The following SLAMF7 variants were observed in gnomAD, a reference collection of about 807,000 sequenced individuals.
SLAMF7 encodes SLAM family member 7.
Under a neutral mutation model 34.1 loss-of-function variants are expected in SLAMF7, and 26 were observed. The observed-to-expected ratio is 0.76, with a 90% CI of 0.56 to 1.06. The LOEUF (loss-of-function observed/expected upper bound fraction) is 1.06. Among genes scored for constraint, SLAMF7 ranks in the 50% least tolerant of loss-of-function variants. The pLI, the probability that SLAMF7 is intolerant of heterozygous loss-of-function variation, is 0.00. For synonymous variants in SLAMF7, 171 were observed against 156.4 expected (o/e 1.09, Z -0.70); for missense variants, 399 against 402.5 (o/e 0.99, Z 0.07).
chr1:160,739,398 A>G, intron 1 of SLAMF7, 42 bp downstream of exon 1: 1 of 1,560,162 alleles, frequency 6.4e-7, no homozygotes, highest in Non-Finnish European at 8.8e-7. Context: ...TGTCTACCCC[A>G]TCCTGAATAG....
rs1215998845 is a variant in SLAMF7 at position 160,750,779 on chromosome 1, G to T, written c.769+356G>T. The T allele has an allele frequency of 1.3e-5, 3 of 234,104 alleles. 1 individual carries two copies. Among genetic ancestry groups the T allele is most frequent in the Non-Finnish European group, 1.7e-5 (2 of 118,896 alleles). The allele number at this position is 234,104 out of a possible 1,614,324, so 14.5% of individuals were successfully genotyped here. On this transcript the variant is annotated intron_variant, in intron 4 of 6. Coordinates refer to ENST00000368043, the MANE Select transcript of SLAMF7 (RefSeq NM_021181.5). ...GGAGGTGATGGCCTCCAACTCTGAG[G>T]TCCCCACAGACCAGCATCCTCTAGT...
At position 160,746,051 on chromosome 1, in the gene SLAMF7, T is replaced by C. The variant is rs139690825; in HGVS notation, c.56-2143T>C. ...ATCAGTACTGGAGTAGAAGAAAAGA[T>C]TGTGTCTAAGAGAGCAGGCTGTGAA... On this transcript the variant is annotated intron_variant, in intron 1 of 6. Transcript: ENST00000368043. Among the ~76,000 whole-genome samples, 78 of 152,288 alleles carry C rather than the reference T, an allele frequency of 5.1e-4. No homozygotes were observed. In the East Asian group the frequency reaches 9.8e-3, roughly 19 times the overall value.
At position 160,750,423 on chromosome 1, in the gene SLAMF7, G is replaced by T; in HGVS notation, c.769G>T (p.Glu257Ter). The T allele has an allele frequency of 6.2e-7, 1 of 1,612,916 alleles. No homozygotes were observed. Among genetic ancestry groups the T allele is most frequent in the Non-Finnish European group, 8.5e-7 (1 of 1,179,516 alleles). Reference protein sequence around the residue: ...LWFLKRERQEEYIEEKKRVDI... With the variant: ...LWFLKRERQE ...GTTTCTGAAGAGAGAGAGACAAGAA[G>T]GTAGAGCGTGTACTATTTTTGTCCT... The change falls in exon 4 of 7, where the codon GAG becomes TAG. Residue 257 changes from glutamate to a stop codon, truncating the protein, a stop_gained and splice_region_variant. Coordinates refer to ENST00000368043, the MANE Select transcript of SLAMF7 (RefSeq NM_021181.5). LOFTEE classifies it high-confidence loss of function.
intron 2 of SLAMF7, among the ~76,000 whole-genome samples, chr1:160,749,017 A>G (rs887985173): frequency 1.3e-5 from 2 of 152,180 alleles, no homozygotes; most frequent in East Asian, 1.9e-4. Context: ...AGACCTTGGC[A>G]CTCATCCAGG....
chr1:160,750,623 T>G (rs1664493516), intron 4 of SLAMF7, 200 bp downstream of exon 4: 2 of 545,664 alleles, frequency 3.7e-6, no homozygotes, highest in African/African-American at 1.9e-5. Flanking sequence ...GTGCTGGAGG[T>G]CTTTCCCAAG....
rs765027302 is a variant in SLAMF7, at chr1:160,753,172, A to G, written c.1003A>G (p.Ile335Val). The G allele has an allele frequency of 3.7e-6, 6 of 1,612,478 alleles. No homozygotes were observed. The highest frequency in any genetic ancestry group is 1.7e-5 in the Admixed American group (1 of 60,010). ...AAGGCTATTTGCCTATGAGAATGTT[A>G]TCTAGACAGCAGTGCACTCCCCTAA... is the stretch of plus-strand genomic sequence containing the variant. ...TPRLFAYENV[I>V] is the part of the protein sequence containing the mutation. Residue 335 changes from isoleucine to valine, a missense_variant, in exon 7 of 7, where the codon ATC becomes GTC. Coordinates refer to ENST00000368043, the MANE Select transcript of SLAMF7 (RefSeq NM_021181.5).
chr1:160,751,399 G>A lies in SLAMF7; in HGVS notation c.824G>A (p.Cys275Tyr). 6.2e-7 allele frequency: 1 copy of A among 1,613,932 alleles called. No individual in the cohort carries two copies. The highest frequency in any genetic ancestry group is 2.2e-5 in the East Asian group (1 of 44,862). The change falls in exon 5 of 7, where the codon TGC becomes TAC. Residue 275 changes from cysteine to tyrosine, a missense_variant. Transcript: ENST00000368043. Reference sequence around the variant, plus strand: ...ATTTGTCGGGAAACTCCTAACATATGCCCCCATTCTGGAGAGAACACAGAG... The same window carrying A: ...ATTTGTCGGGAAACTCCTAACATATACCCCCATTCTGGAGAGAACACAGAG... ...VDICRETPNI[C>Y]PHSGENTEYD...
chr1:160,742,381 C>T (rs938488933), intron 1 of SLAMF7, among the ~76,000 whole-genome samples: 2 of 152,118 alleles, frequency 1.3e-5, no homozygotes, highest in Admixed American at 6.5e-5. Flanking sequence ...TGCTCATGGC[C>T]GTCTTAACTT....
In SLAMF7 at chr1:160,754,706, A is replaced by T. The variant is rs1461407597; in HGVS notation, c.*1529A>T. ...GATTGAGGATTATCTTCTCTCAGAA[A>T]GGCATTGTGAAGGAATTGAGCCAGA... On this transcript the variant is annotated 3_prime_UTR_variant, in exon 7 of 7. Coordinates refer to ENST00000368043, the MANE Select transcript of SLAMF7 (RefSeq NM_021181.5). 1 of 152,388 alleles carries T rather than the reference A, an allele frequency of 6.6e-6. No individual in the cohort carries two copies. Among genetic ancestry groups the T allele is most frequent in the Non-Finnish European group, 1.5e-5 (1 of 68,042 alleles). 9.4% of individuals were successfully genotyped at this position (152,388 alleles called of 1,614,324 possible). A position where few individuals can be genotyped will look rare whatever the true frequency, so the allele number is the denominator to read the frequency against.
upstream of SLAMF7, chr1:160,739,206 C>T: frequency 9.3e-7 from 1 of 1,070,938 alleles, no homozygotes; most frequent in Non-Finnish European, 1.5e-6. Context: ...GCGGCGTGAC[C>T]CCTCCTGCTT....
intron 6 of SLAMF7, 141 bp downstream of exon 6, chr1:160,752,389 C>T (rs1025128976): frequency 1.6e-6 from 1 of 632,530 alleles, no homozygotes; most frequent in South Asian, 2.1e-5. Flanking sequence ...ATTCCCTTTG[C>T]TTAGGGTTAT....
rs1664689484 is a variant in SLAMF7 at position 160,752,225 on chromosome 1, T to C, written c.913T>C (p.Ser305Pro). 2 of 1,613,310 alleles carry C rather than the reference T, an allele frequency of 1.2e-6. No homozygotes were observed. Among genetic ancestry groups the C allele is most frequent in the African/African-American group, 1.3e-5 (1 of 74,884 alleles). The part of the protein sequence containing the change: ...LKEDPANTVY[S>P]TVEIPKKMEN... ...GGAAGATCCAGCAAATACGGTTTAC[T>C]CCACTGTGGAAATACCGAAAAAGGT... The change falls in exon 6 of 7, where the codon TCC (serine) becomes CCC (proline). Residue 305 changes from serine to proline, a missense_variant. Coordinates refer to ENST00000368043, the MANE Select transcript of SLAMF7 (RefSeq NM_021181.5).
upstream of SLAMF7, chr1:160,739,228 A>G: frequency 7.6e-7 from 1 of 1,323,726 alleles, no homozygotes. Flanking sequence ...TTTAAATATC[A>G]GCTGGGGAAG....
At chr1:160,749,026 G>C (rs1008137686) in intron 2 of SLAMF7, among the ~76,000 whole-genome samples, 2 of 152,140 alleles carry the variant, frequency 1.3e-5, no homozygotes, top group Admixed American at 1.3e-4. Flanking sequence ...CACTCATCCA[G>C]GGAAGTTAAA....
intron 5 of SLAMF7, chr1:160,751,858 C>CTATA (rs1664638731): frequency 1.4e-4 from 5 of 36,480 alleles, no homozygotes; most frequent in Non-Finnish European, 1.5e-4. Context: ...CTCTCTCTCT[C>CTATA]TCTCTATATA....
intron 1 of SLAMF7, among the ~76,000 whole-genome samples, chr1:160,747,293 G>A (rs1664206762): frequency 6.6e-6 from 1 of 152,144 alleles, no homozygotes; most frequent in Admixed American, 6.5e-5. Flanking sequence ...CTCTTACTAG[G>A]TGGCTTGAGT....
intron 3 of SLAMF7, 64 bp from the exon 4 acceptor site, chr1:160,750,240 G>C: frequency 6.3e-7 from 1 of 1,595,308 alleles, no homozygotes; most frequent in Non-Finnish European, 8.5e-7. Context: ...GGTGCTCCAA[G>C]ACCTGGGTCG....
chr1:160,753,077 C>T (rs1430707276), intron 6 of SLAMF7, 29 bp from the exon 7 acceptor site: 1 of 1,606,994 alleles, frequency 6.2e-7, no homozygotes, highest in South Asian at 1.1e-5. Flanking sequence ...TCACCTCCCT[C>T]ACTCTACTTT....
intron 4 of SLAMF7, chr1:160,750,638 C>A (rs187536205): frequency 6.5e-5 from 31 of 474,078 alleles, no homozygotes; most frequent in African/African-American, 6.1e-4. Context: ...CCCAAGGACA[C>A]GGTTCTCCCA....
Sources: gnomAD v4.1 joint callset for allele counts (sites outside exome capture counted in the v4.1 genomes callset) on GRCh38, gnomAD v4.1.1 for gene constraint, MANE v1.5 for transcripts, NCBI Gene and HGNC (gene_info 2026-07-23, HGNC 2026-07-21) for gene names.